Variants in TCF20 observed in about 807,000 individuals in gnomAD.
TCF20 encodes SPRE-binding protein.
In TCF20, 3 loss-of-function variants were observed where a neutral mutation model predicts 148.6. The observed-to-expected ratio is 0.02, with a 90% CI of 0.01 to 0.05. The LOEUF (loss-of-function observed/expected upper bound fraction) is 0.05. TCF20 is among the 10% of genes least tolerant of loss of function. The pLI is 1.00. For synonymous variants in TCF20, 1,049 were observed against 909.5 expected (o/e 1.15, Z -2.76); for missense variants, 2,350 against 2,429.3 (o/e 0.97, Z 0.69).
At chr22:42,205,515 A>G (rs531603446) in intron 2 of TCF20, among the ~76,000 whole-genome samples, 46 of 152,366 alleles carry the variant, frequency 3.0e-4, no homozygotes, top group Non-Finnish European at 5.4e-4. Flanking sequence ...ACATGATAGG[A>G]TTAAGGGCAT....
upstream of TCF20, among the ~76,000 whole-genome samples, chr22:42,270,895 C>T (rs539041626): frequency 6.6e-6 from 1 of 151,532 alleles, no homozygotes; most frequent in South Asian, 2.1e-4. Context: ...CCGCTGGGCG[C>T]CGCGCGCCAC....
rs759502128 is a variant in TCF20, at chr22:42,210,094, G to A, written c.5212C>T (p.Pro1738Ser). 19 of 1,613,952 alleles carry A rather than the reference G, an allele frequency of 1.2e-5. No homozygotes were observed. The highest frequency in any genetic ancestry group is 1.6e-5 in the Non-Finnish European group (19 of 1,180,056). ...TGCATTTCTGTGGCCCTCTTAGGAG[G>A]TGGATTCTTCGGGAGAGTGGCTGCA... ...DYAATLPKNP[P>S]PKRATEMQSK... The change falls in exon 2 of 6, where the codon CCT (proline) becomes TCT (serine). Residue 1738 changes from proline to serine, a missense_variant. Around this residue, in one of 7 missense-constraint regions of TCF20, gnomAD observed 374 missense variants for 398.3 expected, o/e 0.94. Coordinates refer to ENST00000677622, the MANE Select transcript of TCF20 (RefSeq NM_001378418.1). This position sits in a 1 kb window ranked among gnomAD's most constrained non-coding sequence, Gnocchi z 4.7.
Position 42,209,874 on chromosome 22 carries a change from G to T in TCF20, c.5432C>A (p.Ala1811Glu). The T allele has an allele frequency of 3.1e-6, 5 of 1,614,234 alleles. No homozygotes were observed. The highest frequency in any genetic ancestry group is 4.2e-6 in the Non-Finnish European group (5 of 1,180,030). The change falls in exon 2 of 6, where the codon GCA becomes GAA. Residue 1811 changes from alanine to glutamate, a missense_variant. Physicochemically the swap from Ala to Glu is moderately radical, Grantham distance 107 (BLOSUM62 -1). Coordinates refer to ENST00000677622, the MANE Select transcript of TCF20 (RefSeq NM_001378418.1). ...SLSRGLPCKK[A>E]ATEGSSEKTV... ...CTTTTCACTGCTGCCCTCAGTGGCT[G>T]CTTTTTTACAAGGGAGCCCCCTGGA... is the stretch of plus-strand genomic sequence containing the variant.
intron 1 of TCF20, among the ~76,000 whole-genome samples, chr22:42,234,427 T>C (rs755604184): frequency 9.2e-5 from 14 of 152,154 alleles, no homozygotes; most frequent in Non-Finnish European, 1.8e-4. Context: ...TGGGGTCCTC[T>C]CCATATGGCT....
intron 2 of TCF20, among the ~76,000 whole-genome samples, chr22:42,196,567 A>C (rs1247898517): frequency 6.6e-6 from 1 of 152,194 alleles, no homozygotes; most frequent in Non-Finnish European, 1.5e-5. Context: ...ATGAAAAAAC[A>C]AAAATAACTT....
intron 2 of TCF20, among the ~76,000 whole-genome samples, chr22:42,198,913 C>A (rs973565784): frequency 6.6e-6 from 1 of 152,200 alleles, no homozygotes; most frequent in African/African-American, 2.4e-5. Context: ...GATCTGCCCA[C>A]CTTGGCCTCC....
chr22:42,270,849 C>T (rs1296035621), upstream of TCF20, among the ~76,000 whole-genome samples: 1 of 150,382 alleles, frequency 6.6e-6, no homozygotes, highest in Non-Finnish European at 1.5e-5. Context: ...AAGACCCCCA[C>T]CTCGCGGCAG....
At chr22:42,162,887 A>G (rs1935552145) in intron 5 of TCF20, among the ~76,000 whole-genome samples, 1 of 152,230 alleles carries the variant, frequency 6.6e-6, no homozygotes, top group South Asian at 2.1e-4. Context: ...ACTTGGCAGA[A>G]AACACCAATA....
chr22:42,326,275 C>T (rs1164226690), intron 1 of TCF20, among the ~76,000 whole-genome samples: 5 of 152,168 alleles, frequency 3.3e-5, no homozygotes, highest in Non-Finnish European at 5.9e-5. Flanking sequence ...GCACTGCAGC[C>T]CAACCTCACC....
At chr22:42,198,274 CTG>C (rs1937718946) in intron 2 of TCF20, among the ~76,000 whole-genome samples, 3 of 152,226 alleles carry the variant, frequency 2.0e-5, no homozygotes. Context: ...AAGCTCCTCT[CTG>C]GACCTCAAAT....
intron 3 of TCF20, among the ~76,000 whole-genome samples, chr22:42,176,155 C>A (rs1407833239): frequency 6.6e-6 from 1 of 152,240 alleles, no homozygotes; most frequent in African/African-American, 2.4e-5. Context: ...ATCAAGCTGC[C>A]TTTCAGTCCA....
rs1555947166 is a variant in TCF20, at chr22:42,251,520, T to TTTG, written c.-37+18818_-37+18819insCAA. Among the ~76,000 whole-genome samples the TTTG allele has an allele frequency of 2.1e-3, 238 of 115,806 alleles. 32 individuals are homozygous for TTTG. Among genetic ancestry groups the TTTG allele is most frequent in the East Asian group, 0.02 (64 of 3,130 alleles). The allele number at this position is 115,806 out of a possible 152,430, so 76.0% of individuals were successfully genotyped here. On this transcript the variant is annotated intron_variant, in intron 1 of 5. Coordinates refer to ENST00000677622, the MANE Select transcript of TCF20 (RefSeq NM_001378418.1). ...TTTTTTTTTTTTTTTTTTTTTTTTT[T>TTTG]GAGACAGAATCTCACTCTGTCACCC...
At chr22:42,273,968 G>C (rs951567244), upstream of TCF20, 1 of 152,740 alleles carries the variant, frequency 6.5e-6, no homozygotes, top group African/African-American at 2.4e-5. Context: ...TCAGTGACTT[G>C]TGCGAAGTGA....
chr22:42,230,703 T>A (rs1415983966), intron 1 of TCF20, among the ~76,000 whole-genome samples: 4 of 151,844 alleles, frequency 2.6e-5, no homozygotes, highest in Non-Finnish European at 4.4e-5. Flanking sequence ...GATAGCTCCA[T>A]GTGTGTTACT....
At position 42,324,769 on chromosome 22, in the gene TCF20, G is replaced by A. The variant is rs114965347; in HGVS notation, c.-37+18710C>T. Among the ~76,000 whole-genome samples the A allele has an allele frequency of 6.3e-3, 630 of 100,070 alleles. 3 individuals carry two copies. Among genetic ancestry groups the A allele is most frequent in the African/African-American group, 0.021 (598 of 28,830 alleles). 65.6% of individuals were successfully genotyped at this position (100,070 alleles called of 152,430 possible). A position where few individuals can be genotyped will look rare whatever the true frequency, so the allele number is the denominator to read the frequency against. On this transcript the variant is annotated intron_variant, in intron 1 of 1. Transcript: ENST00000515426. ...TAACCTCCACCATTTGTTCTGAATCGTGTGGTTTGCTAATGTCCTTTTACA... is the reference window on the plus strand; with the variant it reads ...TAACCTCCACCATTTGTTCTGAATCATGTGGTTTGCTAATGTCCTTTTACA...
At chr22:42,307,798 A>C (rs1181893535) in intron 1 of TCF20, among the ~76,000 whole-genome samples, 1 of 151,490 alleles carries the variant, frequency 6.6e-6, no homozygotes, top group African/African-American at 2.4e-5. Context: ...GTCTCTTCAC[A>C]CTCTCCCCTA....
intron 1 of TCF20, among the ~76,000 whole-genome samples, chr22:42,289,621 T>G (rs1927096538): frequency 6.6e-6 from 1 of 152,212 alleles, no homozygotes; most frequent in Non-Finnish European, 1.5e-5. Flanking sequence ...AACTCCAATG[T>G]GGGTCTGTGA....
At chr22:42,311,388 C>T (rs1375023408) in intron 1 of TCF20, among the ~76,000 whole-genome samples, 1 of 152,220 alleles carries the variant, frequency 6.6e-6, no homozygotes, top group Non-Finnish European at 1.5e-5. Flanking sequence ...GCCTCAGTTT[C>T]CTCATAAGAG....
intron 1 of TCF20, among the ~76,000 whole-genome samples, chr22:42,310,211 C>T (rs1927508344): frequency 6.6e-6 from 1 of 152,240 alleles, no homozygotes. Context: ...GTTTACATTT[C>T]ATCCCAGGGG....
Sources: allele counts gnomAD v4.1 joint callset (sites outside exome capture counted in the v4.1 genomes callset), GRCh38; gene constraint gnomAD v4.1.1; regional missense constraint gnomAD v4.1.1; non-coding constraint Gnocchi (gnomAD v3.1); transcripts MANE v1.5; gene names NCBI Gene and HGNC (gene_info 2026-07-23, HGNC 2026-07-21).